RANBP3L: variants seen among roughly 807,000 people sequenced by gnomAD.
RANBP3L encodes the protein RAN binding protein 3 like.
In RANBP3L, 56 loss-of-function variants were observed where a neutral mutation model predicts 67.2. The ratio of observed to expected loss-of-function variants is 0.83; its 90% CI spans 0.67 to 1.04. The LOEUF (loss-of-function observed/expected upper bound fraction) is 1.04. RANBP3L is among the 50% of genes least tolerant of loss of function. The probability of loss-of-function intolerance (pLI) is 0.00; values close to 1 mark genes in which losing one functional copy is unlikely to be tolerated. For synonymous variants in RANBP3L, 164 were observed against 181.4 expected (o/e 0.90, Z 0.77); for missense variants, 496 against 535.5 (o/e 0.93, Z 0.73).
chr5:36,253,665 G>A lies in RANBP3L; in HGVS notation c.1149C>T (p.Ile383=), dbSNP rs140324183. The change falls in exon 12 of 14, where the codon ATC becomes ATT. Residue 383 remains isoleucine, a synonymous_variant. Coordinates refer to ENST00000296604, the MANE Select transcript of RANBP3L (RefSeq NM_145000.5). ...ITATDLEDYS[I]KIFLIQASAQ... is the part of the protein sequence containing the mutation. ...CCCTTACCTGAATTAAAAATATTTT[G>A]ATGCTATAGTCTTCTAAATCAGTAG... 7.5e-6 allele frequency: 12 copies of A among 1,606,198 alleles called. No homozygotes were observed. The African/African-American group carries it at 1.6e-4, about 21-fold the overall frequency.
At chr5:36,266,303 G>T (rs1749782826) in intron 4 of RANBP3L, among the ~76,000 whole-genome samples, 1 of 152,154 alleles carries the variant, frequency 6.6e-6, no homozygotes, top group African/African-American at 2.4e-5. Flanking sequence ...AAACATGTTG[G>T]TGGGGTAAGA....
intron 8 of RANBP3L, 131 bp downstream of exon 8, chr5:36,260,649 A>C (rs1749314560): frequency 1.8e-6 from 1 of 552,082 alleles, no homozygotes; most frequent in Non-Finnish European, 3.2e-6. Flanking sequence ...AGTTAAAGAA[A>C]GAAAATGTGC....
At chr5:36,277,422 C>CTCTA (rs377029015) in intron 1 of RANBP3L, among the ~76,000 whole-genome samples, 229 of 115,150 alleles carry the variant, frequency 2.0e-3, no homozygotes, top group Middle Eastern at 8.8e-3. Context: ...CTCTCTCTCT[C>CTCTA]TATATATATA....
At chr5:36,267,507 CAAAA>C (rs1326176266) in intron 4 of RANBP3L, among the ~76,000 whole-genome samples, 17 of 149,618 alleles carry the variant, frequency 1.1e-4, no homozygotes, top group Admixed American at 3.3e-4. Flanking sequence ...GACTCCGTCT[CAAAA>C]AAAAAAAAAA....
chr5:36,262,886 A>G (rs1201506044), intron 6 of RANBP3L, among the ~76,000 whole-genome samples: 2 of 152,198 alleles, frequency 1.3e-5, no homozygotes, highest in Admixed American at 6.5e-5. Flanking sequence ...CTCAGCCAAA[A>G]TGGTAGTTTT....
At chr5:36,298,099 G>C (rs112760146) in intron 1 of RANBP3L, among the ~76,000 whole-genome samples, 6,152 of 151,890 alleles carry the variant, frequency 0.041, 429 homozygotes, top group African/African-American at 0.14. Context: ...AGGAGTTCGA[G>C]ACCAGCCTCA....
At chr5:36,271,404 T>G (rs544259885) in intron 1 of RANBP3L, 93 bp from the exon 2 acceptor site, 2 of 838,700 alleles carry the variant, frequency 2.4e-6, no homozygotes, top group African/African-American at 3.4e-5. Context: ...TTTTTTGTTT[T>G]TTGTTTTCTC....
intron 1 of RANBP3L, among the ~76,000 whole-genome samples, chr5:36,271,625 C>T (rs903439036): frequency 6.6e-6 from 1 of 151,986 alleles, no homozygotes; most frequent in African/African-American, 2.4e-5. Context: ...CAGAGCATAG[C>T]GATTAACACC....
intron 1 of RANBP3L, among the ~76,000 whole-genome samples, chr5:36,285,561 T>C (rs1291490378): frequency 6.6e-6 from 1 of 152,218 alleles, no homozygotes; most frequent in African/African-American, 2.4e-5. Context: ...TTAAAAAATG[T>C]AGAGAAGTGC....
chr5:36,274,974 A>G (rs1750474212), intron 1 of RANBP3L, among the ~76,000 whole-genome samples: 1 of 152,098 alleles, frequency 6.6e-6, no homozygotes. Context: ...AGAAAGAAAT[A>G]CTTTAAAACT....
rs1469225426 is a variant in RANBP3L, at chr5:36,249,344, G to A, written c.*310C>T. The A allele has an allele frequency of 5.5e-6, 1 of 182,892 alleles. No individual in the cohort carries two copies. The highest frequency in any genetic ancestry group is 1.1e-5 in the Non-Finnish European group (1 of 88,920). The allele number at this position is 182,892 out of a possible 1,614,324, so 11.3% of individuals were successfully genotyped here. On this transcript the variant is annotated 3_prime_UTR_variant, in exon 14 of 14. Transcript: ENST00000296604. ...CAAATCTAGCAATTTATAATTCTAA[G>A]TATTATATCCATCAATGTGATGAAG...
At chr5:36,269,321 A>C (rs931354114) in intron 4 of RANBP3L, 69 bp downstream of exon 4, 29 of 920,862 alleles carry the variant, frequency 3.1e-5, no homozygotes, top group Non-Finnish European at 4.9e-5. Flanking sequence ...CCTTTTGAAA[A>C]GTTTCTCAGT....
At chr5:36,287,094 C>T (rs929236764) in intron 1 of RANBP3L, among the ~76,000 whole-genome samples, 12 of 152,162 alleles carry the variant, frequency 7.9e-5, no homozygotes, top group Non-Finnish European at 1.8e-4. Context: ...CGCCTCAGAT[C>T]ATCAGACATT....
At position 36,251,511 on chromosome 5, in the gene RANBP3L, A is replaced by G; in HGVS notation, c.1168-12T>C. Reference sequence around the variant, plus strand: ...TCTTGGGCACTGGCCTGCATGAGGAACATTAAATTGTTAAGAAAATCATTA... The same window carrying G: ...TCTTGGGCACTGGCCTGCATGAGGAGCATTAAATTGTTAAGAAAATCATTA... On this transcript the variant is annotated splice_polypyrimidine_tract_variant and intron_variant, in intron 12 of 13. Coordinates refer to ENST00000296604, the MANE Select transcript of RANBP3L (RefSeq NM_145000.5). 6.4e-7 allele frequency: 1 copy of G among 1,562,588 alleles called. No individual in the cohort carries two copies. The highest frequency in any genetic ancestry group is 8.7e-7 in the Non-Finnish European group (1 of 1,150,964).
intron 1 of RANBP3L, among the ~76,000 whole-genome samples, chr5:36,284,137 G>A (rs571951457): frequency 1.2e-4 from 18 of 152,062 alleles, no homozygotes; most frequent in African/African-American, 4.1e-4. Flanking sequence ...TTTAAACCCT[G>A]TTCTCCTTCT....
intron 1 of RANBP3L, among the ~76,000 whole-genome samples, chr5:36,280,510 A>G (rs922845222): frequency 1.2e-4 from 18 of 152,228 alleles, no homozygotes; most frequent in African/African-American, 3.4e-4. Context: ...TGGAGTTCAC[A>G]GAGTCCTAAA....
chr5:36,269,961 T>C lies in RANBP3L; in HGVS notation c.180A>G (p.Ala60=). The part of the protein sequence containing the change: ...KRPAEDTLYE[A]AEPECNGFPT... ...GATGAAAATCATTACCTGGTTCTGC[T>C]GCTTCATACAGGGTGTCTTCTGCAG... The change falls in exon 3 of 14, where the codon GCA becomes GCG. Residue 60 remains alanine (A), a synonymous_variant. Transcript: ENST00000296604. The C allele has an allele frequency of 6.2e-7, 1 of 1,613,518 alleles. No homozygotes were observed. The highest frequency in any genetic ancestry group is 8.5e-7 in the Non-Finnish European group (1 of 1,179,364).
intron 1 of RANBP3L, among the ~76,000 whole-genome samples, chr5:36,293,410 T>C (rs1177702742): frequency 2.0e-5 from 3 of 149,622 alleles, no homozygotes; most frequent in African/African-American, 7.4e-5. Context: ...TCCTGCCTAA[T>C]TGCCCTGGTC....
intron 2 of RANBP3L, 112 bp from the exon 3 acceptor site, chr5:36,270,102 C>T: frequency 1.1e-6 from 1 of 880,626 alleles, no homozygotes; most frequent in Non-Finnish European, 1.9e-6. Flanking sequence ...ATTGCAATTA[C>T]TTTTGCACCA....
Sources: allele counts gnomAD v4.1 joint callset (sites outside exome capture counted in the v4.1 genomes callset), GRCh38; gene constraint gnomAD v4.1.1; transcripts MANE v1.5; gene names NCBI Gene and HGNC (gene_info 2026-07-23, HGNC 2026-07-21).